SIAE: variants seen among roughly 807,000 people sequenced by gnomAD.
SIAE encodes the protein sialate O-acetylesterase.
SIAE carries 39 observed loss-of-function variants against 52.6 expected under a neutral mutation model. That is an observed-to-expected ratio of 0.74 (90% confidence interval 0.57 to 0.97). The LOEUF is 0.97. Ranked by LOEUF, SIAE falls within the 50% of genes least tolerant of loss-of-function variation. SIAE has a pLI of 0.00. For synonymous variants in SIAE, 233 were observed against 241.4 expected (o/e 0.97, Z 0.32); for missense variants, 592 against 662.1 (o/e 0.89, Z 1.16).
rs376068783 is a variant in SIAE, at chr11:124,639,884, T to G, written c.967-17A>C. On this transcript the variant is annotated splice_polypyrimidine_tract_variant and intron_variant, in intron 7 of 9. Transcript: ENST00000263593. ...TGAAGATAACTAGAAAGCAGAGACA[T>G]TGCTAATTTTATTGTATCAGAATCC... is the stretch of plus-strand genomic sequence containing the variant. 1.2e-4 allele frequency: 190 copies of G among 1,613,396 alleles called. No individual in the cohort carries two copies. The highest frequency in any genetic ancestry group is 1.4e-4 in the Non-Finnish European group (171 of 1,179,988).
At chr11:124,675,641 C>T (rs548865025), upstream of SIAE, 4 of 435,868 alleles carry the variant, frequency 9.2e-6, no homozygotes, top group Non-Finnish European at 1.6e-5. Context: ...AGACCGTCTT[C>T]ATTGTATTTC....
intron 2 of SIAE, among the ~76,000 whole-genome samples, chr11:124,668,530 A>G (rs1039530413): frequency 6.6e-6 from 1 of 152,264 alleles, no homozygotes; most frequent in Non-Finnish European, 1.5e-5. Flanking sequence ...AGTTACAATC[A>G]TGACTGCTAA....
At chr11:124,667,752 G>T (rs1943293146) in intron 2 of SIAE, among the ~76,000 whole-genome samples, 1 of 152,036 alleles carries the variant, frequency 6.6e-6, no homozygotes, top group South Asian at 2.1e-4. Context: ...CCCTGAGCAT[G>T]CCTTCCTTCA....
chr11:124,639,724 GTCTC>G lies in SIAE; in HGVS notation c.1106_1109del (p.Arg369ThrfsTer33). On this transcript the variant is annotated frameshift_variant, in exon 8 of 10. Transcript: ENST00000263593. LOFTEE classifies it high-confidence loss of function. ...AGCAATCATACCTGCCAAAAGGCGA[GTCTC>G]TATCACAGAGATCCATAGCTACAGC... is the stretch of plus-strand genomic sequence containing the variant. The G allele has an allele frequency of 6.2e-7, 1 of 1,614,112 alleles. No homozygotes were observed.
At chr11:124,658,553 T>C (rs1318560421) in intron 3 of SIAE, among the ~76,000 whole-genome samples, 1 of 152,186 alleles carries the variant, frequency 6.6e-6, no homozygotes, top group East Asian at 1.9e-4. Flanking sequence ...ATCCAAATCT[T>C]AAGACCTACC....
At chr11:124,675,067 C>A, upstream of SIAE, 1 of 569,204 alleles carries the variant, frequency 1.8e-6, no homozygotes, top group Non-Finnish European at 2.9e-6. Context: ...TACTAATTCA[C>A]AATGGAGATT....
At position 124,645,708 on chromosome 11, in the gene SIAE, C is replaced by T. The variant is rs745600713; in HGVS notation, c.966+1657G>A. On this transcript the variant is annotated intron_variant, in intron 7 of 9. Transcript: ENST00000263593. This position sits in a 1 kb window ranked among gnomAD's most constrained non-coding sequence, Gnocchi z 4.7. ...AGTCATACTCAAATCACCATGTGCA[C>T]AGGCCAAGGGAGAAAAAAGTACTTC... 1.3e-5 allele frequency among the ~76,000 whole-genome samples: 2 copies of T among 152,180 alleles called. No homozygotes were observed. The highest frequency in any genetic ancestry group is 2.4e-5 in the African/African-American group (1 of 41,428).
At chr11:124,672,211 T>TAAAGGC (rs1174972527) in intron 1 of SIAE, among the ~76,000 whole-genome samples, 1 of 152,132 alleles carries the variant, frequency 6.6e-6, no homozygotes, top group Non-Finnish European at 1.5e-5. Flanking sequence ...ACATTTGGAT[T>TAAAGGC]TTTTAGGTCT....
chr11:124,642,929 T>C (rs1942871789), intron 7 of SIAE, among the ~76,000 whole-genome samples: 2 of 151,866 alleles, frequency 1.3e-5, no homozygotes, highest in Admixed American at 1.3e-4. Context: ...TTCAAGGAGG[T>C]GAATTCTGCC....
Position 124,637,161 on chromosome 11 carries a change from A to G in SIAE, c.1362T>C (p.Ala454=). 6.2e-7 allele frequency: 1 copy of G among 1,614,210 alleles called. No individual in the cohort carries two copies. The highest frequency in any genetic ancestry group is 1.6e-4 in the Middle Eastern group (1 of 6,062). ...CSDHRCKWLP[A]SMNTVSTQSL... is the part of the protein sequence containing the mutation. Reference sequence around the variant, plus strand: ...ACTGGGTGGAGACGGTGTTCATAGAAGCTGGAAGCCACTTGCATCGATGGT... The same window carrying G: ...ACTGGGTGGAGACGGTGTTCATAGAGGCTGGAAGCCACTTGCATCGATGGT... The change falls in exon 10 of 10, where the codon GCT becomes GCC. Residue 454 remains alanine (A), a synonymous_variant. Transcript: ENST00000263593.
chr11:124,670,099 T>C lies in SIAE; in HGVS notation c.68-578A>G, dbSNP rs567188804. Among the ~76,000 whole-genome samples the C allele has an allele frequency of 6.6e-6, 1 of 152,314 alleles. No homozygotes were observed. Among genetic ancestry groups the C allele is most frequent in the East Asian group, 1.9e-4 (1 of 5,184 alleles). ...ATGGTTTTTTGACAACCCAGTGTAC[T>C]GCATCAAAAATTCTAAATAAGCCCT... On this transcript the variant is annotated intron_variant, in intron 1 of 9. Transcript: ENST00000263593. This position sits in a 1 kb window ranked among gnomAD's most constrained non-coding sequence, Gnocchi z 4.5.
chr11:124,655,839 G>A (rs904947461), intron 3 of SIAE, among the ~76,000 whole-genome samples: 5 of 152,092 alleles, frequency 3.3e-5, no homozygotes, highest in Non-Finnish European at 7.3e-5. Flanking sequence ...CTAATGCAAT[G>A]TAAATGCTAT....
chr11:124,637,215 C>A lies in SIAE; in HGVS notation c.1321-13G>T, dbSNP rs756821541. The A allele has an allele frequency of 6.2e-7, 1 of 1,613,964 alleles. No individual in the cohort carries two copies. The highest frequency in any genetic ancestry group is 8.5e-7 in the Non-Finnish European group (1 of 1,180,002). Reference sequence around the variant, plus strand: ...TGCAACAGGAGATCTAATAAGAGAGCCATAAAATAGGAATGATTAGGTCAG... The same window carrying A: ...TGCAACAGGAGATCTAATAAGAGAGACATAAAATAGGAATGATTAGGTCAG... On this transcript the variant is annotated splice_polypyrimidine_tract_variant and intron_variant, in intron 9 of 9. Coordinates refer to ENST00000263593, the MANE Select transcript of SIAE (RefSeq NM_170601.5).
At position 124,670,790 on chromosome 11, in the gene SIAE, C is replaced by CA. The variant is rs1468564262; in HGVS notation, c.68-1270dup. ...TAGTGTGATCAAGAAACCTACATGA[C>CA]AATGAAAGATCACCCAGAAGGCCTA... On this transcript the variant is annotated intron_variant, in intron 1 of 9. Coordinates refer to ENST00000263593, the MANE Select transcript of SIAE (RefSeq NM_170601.5). This position sits in a 1 kb window ranked among gnomAD's most constrained non-coding sequence, Gnocchi z 4.5. Among the ~76,000 whole-genome samples the CA allele has an allele frequency of 6.6e-6, 1 of 152,158 alleles. No homozygotes were observed. The highest frequency in any genetic ancestry group is 2.4e-5 in the African/African-American group (1 of 41,420).
intron 2 of SIAE, among the ~76,000 whole-genome samples, chr11:124,664,350 G>C (rs1408578174): frequency 1.3e-5 from 2 of 151,904 alleles, no homozygotes; most frequent in Non-Finnish European, 2.9e-5. Flanking sequence ...TCCTGCCTCA[G>C]CCTCCAAAGT....
In SIAE at chr11:124,636,589, G is replaced by A. The variant is rs2134347937; in HGVS notation, c.*362C>T. 2 of 324,298 alleles carry A rather than the reference G, an allele frequency of 6.2e-6. No homozygotes were observed. The highest frequency in any genetic ancestry group is 2.9e-5 in the South Asian group (1 of 34,648). 20.1% of individuals were successfully genotyped at this position (324,298 alleles called of 1,614,324 possible). Reference sequence around the variant, plus strand: ...ACATGAACACTAGCTGGCCTATGTGGCCTTTAAAATCTCTTCCAATCCTGA... The same window carrying A: ...ACATGAACACTAGCTGGCCTATGTGACCTTTAAAATCTCTTCCAATCCTGA... On this transcript the variant is annotated 3_prime_UTR_variant, in exon 10 of 10. Coordinates refer to ENST00000263593, the MANE Select transcript of SIAE (RefSeq NM_170601.5).
Position 124,633,925 on chromosome 11 carries a change from T to C in SIAE, c.*3026A>G, listed in dbSNP as rs1050327887. The C allele has an allele frequency of 1.3e-5, 2 of 152,214 alleles. No individual in the cohort carries two copies. The highest frequency in any genetic ancestry group is 2.9e-5 in the Non-Finnish European group (2 of 68,038). The allele number at this position is 152,214 out of a possible 1,614,324, so 9.4% of individuals were successfully genotyped here. A position where few individuals can be genotyped will look rare whatever the true frequency, so the allele number is the denominator to read the frequency against. ...TTTAAAATTTTTGGAACATACCACA[T>C]GTAGAAAGGTTGAACTGGTTTTTCA... is the stretch of plus-strand genomic sequence containing the variant. On this transcript the variant is annotated 3_prime_UTR_variant, in exon 10 of 10. Transcript: ENST00000263593.
intron 7 of SIAE, among the ~76,000 whole-genome samples, chr11:124,644,351 G>GGA (rs1555096422): frequency 9.0e-4 from 89 of 98,972 alleles, no homozygotes; most frequent in African/African-American, 2.5e-3. Context: ...AGTCTGTGGT[G>GGA]AGAAAAAAAA....
At chr11:124,668,671 T>C (rs1336347691) in intron 2 of SIAE, among the ~76,000 whole-genome samples, 1 of 152,178 alleles carries the variant, frequency 6.6e-6, no homozygotes, top group Non-Finnish European at 1.5e-5. Context: ...CATGGAGATG[T>C]TATATTACAT....
Sources: gnomAD v4.1 joint callset for allele counts (sites outside exome capture counted in the v4.1 genomes callset) on GRCh38, gnomAD v4.1.1 for gene constraint, Gnocchi (gnomAD v3.1) non-coding constraint, MANE v1.5 for transcripts, NCBI Gene and HGNC (gene_info 2026-07-23, HGNC 2026-07-21) for gene names.